Variants in ZNF169 observed in about 807,000 individuals in gnomAD.
ZNF169 encodes the protein zinc finger protein 169.
In ZNF169, 11 loss-of-function variants were observed where a neutral mutation model predicts 12.0. That is an observed-to-expected ratio of 0.92 (90% CI 0.58 to 1.52). The LOEUF (loss-of-function observed/expected upper bound fraction) is 1.52. Among genes scored for constraint, ZNF169 ranks in the 40% most tolerant of loss-of-function variants. ZNF169 has a pLI of 0.00. For missense variants in ZNF169, 722 were observed against 744.0 expected (o/e 0.97, Z 0.34); for synonymous variants, 302 against 286.5 (o/e 1.05, Z -0.55).
intron 4 of ZNF169, chr9:94,296,881 TAAAAATACAA>T: frequency 2.2e-6 from 1 of 449,936 alleles, no homozygotes; most frequent in Non-Finnish European, 4.4e-6. Context: ...CCATCTCTAC[TAAAAATACAA>T]AAAAAACTAG....
At chr9:94,263,839 T>C (rs550110523) in intron 1 of ZNF169, among the ~76,000 whole-genome samples, 7 of 152,250 alleles carry the variant, frequency 4.6e-5, no homozygotes, top group Admixed American at 3.9e-4. Flanking sequence ...TGAATTTTTT[T>C]TTTTTTTTAG....
intron 2 of ZNF169, among the ~76,000 whole-genome samples, chr9:94,291,405 A>T (rs1041135507): frequency 6.6e-6 from 1 of 152,182 alleles, no homozygotes; most frequent in Non-Finnish European, 1.5e-5. Context: ...ATGATTGGGA[A>T]CAAACCAACG....
chr9:94,275,187 T>C (rs1830498768), intron 1 of ZNF169, among the ~76,000 whole-genome samples: 1 of 152,168 alleles, frequency 6.6e-6, no homozygotes, highest in Non-Finnish European at 1.5e-5. Flanking sequence ...CAGTGAGCTA[T>C]GATTGTGCCA....
In ZNF169 at chr9:94,301,036, G is replaced by A. The variant is rs754154707; in HGVS notation, c.1478G>A (p.Arg493His). Reference protein sequence around the residue: ...EKPYLCPKCGRAFGFKSLLTR... With the variant: ...EKPYLCPKCGHAFGFKSLLTR... ...CCTTATCTGTGCCCCAAGTGTGGGC[G>A]TGCATTTGGCTTTAAGTCGCTCCTC... Residue 493 changes from arginine (R) to histidine (H), a missense_variant, in exon 5 of 5, where the codon CGT becomes CAT. Transcript: ENST00000395395. 9.3e-6 allele frequency: 15 copies of A among 1,613,808 alleles called. No homozygotes were observed. Among genetic ancestry groups the A allele is most frequent in the East Asian group, 6.7e-5 (3 of 44,864 alleles).
At chr9:94,290,444 TTGTC>T (rs1358214910) in intron 2 of ZNF169, among the ~76,000 whole-genome samples, 4 of 152,170 alleles carry the variant, frequency 2.6e-5, no homozygotes, top group Admixed American at 6.5e-5. Context: ...CTGTTTTACT[TTGTC>T]TGTATGAATT....
intron 1 of ZNF169, among the ~76,000 whole-genome samples, chr9:94,260,326 T>C (rs1488738318): frequency 6.6e-6 from 1 of 152,250 alleles, no homozygotes; most frequent in East Asian, 1.9e-4. Flanking sequence ...GTACTGGGAT[T>C]ACAGGCGTGA....
intron 1 of ZNF169, among the ~76,000 whole-genome samples, chr9:94,270,179 A>G (rs907248330): frequency 2.6e-5 from 4 of 152,184 alleles, no homozygotes; most frequent in Non-Finnish European, 5.9e-5. Flanking sequence ...TTAACCACAC[A>G]GTCAGTACTG....
In ZNF169 at chr9:94,282,557, A is replaced by C. The variant is rs571827013; in HGVS notation, c.33+3712A>C. On this transcript the variant is annotated intron_variant, in intron 2 of 4. Coordinates refer to ENST00000395395, the MANE Select transcript of ZNF169 (RefSeq NM_194320.4). ...CTCCAAAGGAGGCAAACAGATATGC[A>C]TCTATGTCAGTGAGCAGAGAGGTGA... Among the ~76,000 whole-genome samples, 25 of 152,344 alleles carry C rather than the reference A, an allele frequency of 1.6e-4. 1 individual carries two copies. In the South Asian group the frequency reaches 5.2e-3, roughly 32 times the overall value.
chr9:94,261,916 CTT>C (rs1158501939), intron 1 of ZNF169, among the ~76,000 whole-genome samples: 1 of 152,198 alleles, frequency 6.6e-6, no homozygotes, highest in Non-Finnish European at 1.5e-5. Flanking sequence ...AGAAAAACAA[CTT>C]CAGCATTAAT....
At chr9:94,278,263 G>A (rs1192138675) in intron 1 of ZNF169, among the ~76,000 whole-genome samples, 1 of 152,114 alleles carries the variant, frequency 6.6e-6, no homozygotes, top group Non-Finnish European at 1.5e-5. Flanking sequence ...TTTGATATGT[G>A]AGTGGAGGGA....
intron 1 of ZNF169, among the ~76,000 whole-genome samples, chr9:94,261,888 C>T (rs1375203479): frequency 1.3e-5 from 2 of 152,188 alleles, no homozygotes; most frequent in African/African-American, 4.8e-5. Flanking sequence ...ATGCATCTCT[C>T]ATAAATAAGG....
Position 94,300,975 on chromosome 9 carries a change from C to T in ZNF169, c.1417C>T (p.Leu473Phe). Residue 473 changes from leucine (L) to phenylalanine (F), a missense_variant, in exon 5 of 5, where the codon CTC becomes TTC. By Grantham distance (22) the Leu-to-Phe change is conservative (BLOSUM62 0). Transcript: ENST00000395395. The stretch of plus-strand genomic sequence containing the variant: ...GCGTGGCTTTGGTCAGAAGGTCACC[C>T]TCATCAGACACCAGAGGACACACAC... Reference protein sequence around the residue: ...CGRGFGQKVTLIRHQRTHTGE... With the variant: ...CGRGFGQKVTFIRHQRTHTGE... 9 of 1,612,844 alleles carry T rather than the reference C, an allele frequency of 5.6e-6. No individual in the cohort carries two copies. The highest frequency in any genetic ancestry group is 7.6e-6 in the Non-Finnish European group (9 of 1,179,622).
In ZNF169 at chr9:94,300,354, G is replaced by A; in HGVS notation, c.796G>A (p.Glu266Lys). ...CGGGGAGAAGCCATACCTGTGTCCT[G>A]AGTGTGGGCGTCGGTTTAGCCAGAA... ...HTGEKPYLCP[E>K]CGRRFSQKAS... Residue 266 changes from glutamate to lysine, a missense_variant, in exon 5 of 5, where the codon GAG becomes AAG. Glu to Lys is a moderately conservative substitution (Grantham distance 56). Coordinates refer to ENST00000395395, the MANE Select transcript of ZNF169 (RefSeq NM_194320.4). 4 of 1,613,648 alleles carry A rather than the reference G, an allele frequency of 2.5e-6. No individual in the cohort carries two copies. Among genetic ancestry groups the A allele is most frequent in the Non-Finnish European group, 3.4e-6 (4 of 1,179,828 alleles).
At chr9:94,280,686 C>T (rs370425518) in intron 2 of ZNF169, among the ~76,000 whole-genome samples, 8 of 152,154 alleles carry the variant, frequency 5.3e-5, no homozygotes, top group Admixed American at 3.9e-4. Context: ...TTATTCCTGA[C>T]GCAGGTAGCC....
intron 3 of ZNF169, chr9:94,292,770 A>G (rs534745059): frequency 3.2e-6 from 2 of 617,548 alleles, no homozygotes; most frequent in East Asian, 5.5e-5. Context: ...ACTCAAGCAC[A>G]GGGTAGAATC....
At chr9:94,292,931 C>G in intron 3 of ZNF169, 43 bp from the exon 4 acceptor site, 1 of 1,537,762 alleles carries the variant, frequency 6.5e-7, no homozygotes, top group Non-Finnish European at 8.9e-7. Flanking sequence ...GCCTCTTAAG[C>G]CACTAACTCA....
chr9:94,293,105 G>T (rs772428228), intron 4 of ZNF169, 36 bp downstream of exon 4: 3 of 1,564,628 alleles, frequency 1.9e-6, no homozygotes, highest in Admixed American at 1.7e-5. Flanking sequence ...AGGGTGCAGG[G>T]CAGTGAGGAG....
chr9:94,291,164 C>A (rs1255017180), intron 2 of ZNF169, among the ~76,000 whole-genome samples: 2 of 145,948 alleles, frequency 1.4e-5, no homozygotes, highest in Admixed American at 7.2e-5. Context: ...AAGCAATTCT[C>A]TGCCTCAGCC....
In ZNF169 at chr9:94,301,626, T is replaced by C. The variant is rs1383536837; in HGVS notation, c.*256T>C. On this transcript the variant is annotated 3_prime_UTR_variant, in exon 5 of 5. Coordinates refer to ENST00000395395, the MANE Select transcript of ZNF169 (RefSeq NM_194320.4). ...AGGCTGGAAGTCCCAGATGAACGTA[T>C]TGGTAGGTTTGGCTGCTGCTTAAGC... Among the ~76,000 whole-genome samples, 2 of 152,176 alleles carry C rather than the reference T, an allele frequency of 1.3e-5. No homozygotes were observed. Among genetic ancestry groups the C allele is most frequent in the Non-Finnish European group, 2.9e-5 (2 of 68,022 alleles).
Sources: gnomAD v4.1 joint callset for allele counts (sites outside exome capture counted in the v4.1 genomes callset) on GRCh38, gnomAD v4.1.1 for gene constraint, MANE v1.5 for transcripts, NCBI Gene and HGNC (gene_info 2026-07-23, HGNC 2026-07-21) for gene names.